TRAK1: variants seen among roughly 807,000 people sequenced by gnomAD.
TRAK1 encodes trafficking kinesin protein 1.
In TRAK1, 33 loss-of-function variants were observed where a neutral mutation model predicts 92.1. The observed-to-expected ratio is 0.36, with a 90% confidence interval of 0.27 to 0.48. TRAK1 has a LOEUF of 0.48. TRAK1 is among the 20% of genes least tolerant of loss of function. TRAK1 has a pLI of 0.99. For missense variants in TRAK1, 1,123 were observed against 1,257.9 expected, an observed-to-expected ratio of 0.89 and a Z score of 1.62; for synonymous variants, 521 against 517.3, an observed-to-expected ratio of 1.01 and a Z score of -0.10.
intron 1 of TRAK1, among the ~76,000 whole-genome samples, chr3:42,098,087 C>G (rs1277186905): frequency 6.6e-6 from 1 of 151,926 alleles, no homozygotes; most frequent in Non-Finnish European, 1.5e-5. Flanking sequence ...TGTTTCCTCT[C>G]CCCTCCCCTC....
intron 2 of TRAK1, among the ~76,000 whole-genome samples, chr3:42,164,577 T>C (rs1355817864): frequency 6.6e-6 from 1 of 152,126 alleles, no homozygotes; most frequent in African/African-American, 2.4e-5. Context: ...GCTGACAGAG[T>C]TCTAGGCCCT....
chr3:42,015,392 C>G (rs1293177619), intron 1 of TRAK1, among the ~76,000 whole-genome samples: 1 of 152,006 alleles, frequency 6.6e-6, no homozygotes, highest in Non-Finnish European at 1.5e-5. Flanking sequence ...CCCCAGGGAC[C>G]AGTTTCCCAT....
intron 1 of TRAK1, among the ~76,000 whole-genome samples, chr3:42,027,030 A>G (rs773797699): frequency 2.8e-4 from 43 of 152,176 alleles, no homozygotes; most frequent in Non-Finnish European, 4.7e-4. Flanking sequence ...AAAATCTCAG[A>G]ATGATGCAAG....
intron 1 of TRAK1, among the ~76,000 whole-genome samples, chr3:42,123,984 T>C (rs1054490690): frequency 6.6e-6 from 1 of 151,940 alleles, no homozygotes; most frequent in Non-Finnish European, 1.5e-5. Context: ...CTACAAAAAA[T>C]AAAATTAGCT....
chr3:42,065,119 G>C (rs1467429147), intron 1 of TRAK1, among the ~76,000 whole-genome samples: 1 of 152,046 alleles, frequency 6.6e-6, no homozygotes, highest in East Asian at 1.9e-4. Flanking sequence ...GGGCATGGAT[G>C]CACACACCTG....
chr3:42,147,910 T>G (rs1383214562), intron 2 of TRAK1, among the ~76,000 whole-genome samples: 1 of 152,178 alleles, frequency 6.6e-6, no homozygotes, highest in Non-Finnish European at 1.5e-5. Flanking sequence ...TTGAGATGGA[T>G]CGATACAAAG....
At chr3:42,149,182 T>C in intron 2 of TRAK1, 2 of 1,043,338 alleles carry the variant, frequency 1.9e-6, no homozygotes, top group South Asian at 8.5e-5. Flanking sequence ...TGGTGGTGTG[T>C]GTCTCTGACG....
intron 1 of TRAK1, among the ~76,000 whole-genome samples, chr3:42,018,644 T>C (rs2148877518): frequency 6.6e-6 from 1 of 152,324 alleles, no homozygotes; most frequent in East Asian, 1.9e-4. Context: ...TTTCGAAAAG[T>C]ATCTCTTTAG....
intron 1 of TRAK1, among the ~76,000 whole-genome samples, chr3:42,101,151 G>A (rs1706697791): frequency 6.6e-6 from 1 of 152,196 alleles, no homozygotes; most frequent in South Asian, 2.1e-4. Context: ...ACCTACCTAA[G>A]GACATGTTCT....
intron 2 of TRAK1, chr3:42,146,331 G>T: frequency 3.4e-6 from 1 of 290,124 alleles, no homozygotes; most frequent in South Asian, 5.1e-5. Context: ...CTCAGTATTG[G>T]GATACTTTTC....
intron 14 of TRAK1, 88 bp from the exon 15 acceptor site, chr3:42,219,406 T>C: frequency 6.2e-7 from 1 of 1,606,524 alleles, no homozygotes; most frequent in Admixed American, 1.7e-5. Flanking sequence ...TCATCACTTC[T>C]TGCATCTGTT....
chr3:42,171,134 G>A (rs556905966), intron 2 of TRAK1, among the ~76,000 whole-genome samples: 45 of 152,152 alleles, frequency 3.0e-4, no homozygotes, highest in African/African-American at 1.0e-3. Context: ...TTTTCTACCC[G>A]TTGCTACTTG....
intron 1 of TRAK1, among the ~76,000 whole-genome samples, chr3:42,023,732 G>A (rs905711158): frequency 6.9e-5 from 10 of 145,808 alleles, no homozygotes; most frequent in East Asian, 2.0e-4. Context: ...TGAGTTTGAC[G>A]TGCTCGTGAG....
At chr3:42,013,700 T>G (rs1282377378), upstream of TRAK1, 1 of 145,454 alleles carries the variant, frequency 6.9e-6, no homozygotes, top group South Asian at 1.9e-4. This position sits in a 1 kb window ranked among gnomAD's most constrained non-coding sequence, Gnocchi z 5.1. Flanking sequence ...AGTGCCCGCG[T>G]CCGCAGCAGC....
intron 2 of TRAK1, chr3:42,151,286 G>A (rs868419772): frequency 1.1e-5 from 5 of 452,556 alleles, no homozygotes; most frequent in Middle Eastern, 3.3e-4. Flanking sequence ...GAGGGTGAGC[G>A]GAGGCCTGCT....
chr3:42,180,156 T>G lies in TRAK1; in HGVS notation c.363+3266T>G, dbSNP rs143442377. On this transcript the variant is annotated intron_variant, in intron 3 of 15. Transcript: ENST00000327628. ...CAACCAGCTTGTTGCCTCAGTAAAATTAAAGAGAAAAAACTAGAGACACTA... is the reference window on the plus strand; with the variant it reads ...CAACCAGCTTGTTGCCTCAGTAAAAGTAAAGAGAAAAAACTAGAGACACTA... Among the ~76,000 whole-genome samples the G allele has an allele frequency of 5.9e-5, 9 of 152,278 alleles. No individual in the cohort carries two copies. In the East Asian group the frequency reaches 1.7e-3, roughly 29 times the overall value.
At chr3:42,028,299 C>T (rs540467325) in intron 1 of TRAK1, among the ~76,000 whole-genome samples, 5 of 152,274 alleles carry the variant, frequency 3.3e-5, no homozygotes, top group Non-Finnish European at 5.9e-5. Context: ...ACAGGTCTTC[C>T]GCAGGTAAGA....
At chr3:42,213,617 C>G (rs1163260065) in intron 14 of TRAK1, among the ~76,000 whole-genome samples, 2 of 152,192 alleles carry the variant, frequency 1.3e-5, no homozygotes, top group South Asian at 4.1e-4. Flanking sequence ...TTTGCCCGGG[C>G]GGGGCAGCTA....
intron 1 of TRAK1, among the ~76,000 whole-genome samples, chr3:42,092,820 A>G (rs1464735100): frequency 2.0e-5 from 3 of 151,746 alleles, no homozygotes; most frequent in Non-Finnish European, 4.4e-5. Flanking sequence ...TCCTGGGCTC[A>G]AGTGATCCCC....
Sources: gnomAD v4.1 joint callset for allele counts (sites outside exome capture counted in the v4.1 genomes callset) on GRCh38, gnomAD v4.1.1 for gene constraint, Gnocchi (gnomAD v3.1) non-coding constraint, MANE v1.5 for transcripts, NCBI Gene and HGNC (gene_info 2026-07-23, HGNC 2026-07-21) for gene names.